The following RANBP3L variants were observed in gnomAD, a reference collection of about 807,000 sequenced individuals.
RANBP3L encodes the protein RAN binding protein 3 like.
In RANBP3L, 56 loss-of-function variants were observed where a neutral mutation model predicts 67.2. That is an observed-to-expected ratio of 0.83 (90% CI 0.67 to 1.04). The LOEUF is 1.04. RANBP3L is among the 50% of genes least tolerant of loss of function. RANBP3L has a pLI of 0.00. For synonymous variants in RANBP3L, 164 were observed against 181.4 expected, an observed-to-expected ratio of 0.90 and a Z score of 0.77; for missense variants, 496 against 535.5, an observed-to-expected ratio of 0.93 and a Z score of 0.73.
At chr5:36,260,948 G>T in intron 7 of RANBP3L, 84 bp from the exon 8 acceptor site, 1 of 642,216 alleles carries the variant, frequency 1.6e-6, no homozygotes, top group Non-Finnish European at 2.7e-6. Flanking sequence ...TAATTTAATA[G>T]ATTTATGTAA....
rs141604579 is a variant in RANBP3L at position 36,270,755 on chromosome 5, C to T, written c.150+498G>A. Reference sequence around the variant, plus strand: ...TCAAACAGTCCTCCCACCGTGGCCTCGAAACATGCGGGGATTACAGGCACA... The same window carrying T: ...TCAAACAGTCCTCCCACCGTGGCCTTGAAACATGCGGGGATTACAGGCACA... On this transcript the variant is annotated intron_variant, in intron 2 of 13. Coordinates refer to ENST00000296604, the MANE Select transcript of RANBP3L (RefSeq NM_145000.5). Among the ~76,000 whole-genome samples, 458 of 152,268 alleles carry T rather than the reference C, an allele frequency of 3.0e-3. 1 individual carries two copies. Among genetic ancestry groups the T allele is most frequent in the East Asian group, 6.7e-3 (35 of 5,186 alleles).
At chr5:36,255,699 C>A (rs1170744425) in intron 10 of RANBP3L, 109 bp from the exon 11 acceptor site, 3 of 613,600 alleles carry the variant, frequency 4.9e-6, no homozygotes, top group Admixed American at 3.4e-5. Flanking sequence ...CCAAAATAAT[C>A]TTTGTTAATG....
At chr5:36,275,209 G>A (rs1023319332) in intron 1 of RANBP3L, among the ~76,000 whole-genome samples, 1 of 152,126 alleles carries the variant, frequency 6.6e-6, no homozygotes. Context: ...GGTACACTGT[G>A]GGTCAAGTGC....
Position 36,264,991 on chromosome 5 carries a change from A to C in RANBP3L, c.448T>G (p.Ser150Ala). Residue 150 changes from serine (S) to alanine (A), a missense_variant, in exon 6 of 14, where the codon TCT becomes GCT. Transcript: ENST00000296604. ...RKTFGHKALE[S>A]CKTKEKTNNK... is the part of the protein sequence containing the mutation. Reference sequence around the variant, plus strand: ...TTTGTTTTTTCTTTAGTCTTGCAAGATTCCAGTGCCTTGTGTCCAAATGTT... The same window carrying C: ...TTTGTTTTTTCTTTAGTCTTGCAAGCTTCCAGTGCCTTGTGTCCAAATGTT... The C allele has an allele frequency of 6.2e-7, 1 of 1,613,676 alleles. No homozygotes were observed. The highest frequency in any genetic ancestry group is 8.5e-7 in the Non-Finnish European group (1 of 1,179,842).
chr5:36,255,335 G>A lies in RANBP3L; in HGVS notation c.1024+135C>T, dbSNP rs1423815935. ...CTACTTGAAATGGGAAGCTCCTATAGAAATATTTTCAACAGTCTGATTTTT... is the reference window on the plus strand; with the variant it reads ...CTACTTGAAATGGGAAGCTCCTATAAAAATATTTTCAACAGTCTGATTTTT... On this transcript the variant is annotated intron_variant, in intron 11 of 13. Transcript: ENST00000296604. 14 of 809,238 alleles carry A rather than the reference G, an allele frequency of 1.7e-5. 1 individual carries two copies. Among genetic ancestry groups the A allele is most frequent in the Non-Finnish European group, 2.4e-5 (13 of 552,134 alleles). The allele number at this position is 809,238 out of a possible 1,614,324, so 50.1% of individuals were successfully genotyped here. A position where few individuals can be genotyped will look rare whatever the true frequency, so the allele number is the denominator to read the frequency against.
chr5:36,275,879 C>CT (rs1184601500), intron 1 of RANBP3L, among the ~76,000 whole-genome samples: 3 of 152,074 alleles, frequency 2.0e-5, no homozygotes, highest in African/African-American at 7.2e-5. Context: ...GATGAGTCTC[C>CT]TGTTTTTCCA....
chr5:36,252,313 A>G (rs1748651092), intron 12 of RANBP3L, among the ~76,000 whole-genome samples: 1 of 152,118 alleles, frequency 6.6e-6, no homozygotes, highest in Non-Finnish European at 1.5e-5. Flanking sequence ...GGTCCATAAT[A>G]GAATAGAATT....
chr5:36,272,722 A>G (rs1398246039), intron 1 of RANBP3L, among the ~76,000 whole-genome samples: 1 of 152,028 alleles, frequency 6.6e-6, no homozygotes, highest in African/African-American at 2.4e-5. Flanking sequence ...TTGGCTCACT[A>G]CAACCTCCAC....
At position 36,301,635 on chromosome 5, in the gene RANBP3L, G is replaced by T. The variant is rs1579814511; in HGVS notation, c.-219C>A. The T allele has an allele frequency of 2.2e-6, 1 of 453,206 alleles. No homozygotes were observed. The highest frequency in any genetic ancestry group is 4.0e-6 in the Non-Finnish European group (1 of 252,362). The allele number at this position is 453,206 out of a possible 1,614,324, so 28.1% of individuals were successfully genotyped here. On this transcript the variant is annotated 5_prime_UTR_variant, in exon 1 of 14. Coordinates refer to ENST00000296604, the MANE Select transcript of RANBP3L (RefSeq NM_145000.5). ...CAATGTTACTTCTCCTAAATATAAA[G>T]ATGCCAATTCATTTGGTTAAAAACA...
intron 1 of RANBP3L, among the ~76,000 whole-genome samples, chr5:36,287,113 A>C (rs901106412): frequency 6.6e-6 from 1 of 152,138 alleles, no homozygotes; most frequent in South Asian, 2.1e-4. Flanking sequence ...TTAGATTCTC[A>C]TAAAGAGCAC....
chr5:36,300,538 A>G (rs1311901532), intron 1 of RANBP3L, among the ~76,000 whole-genome samples: 1 of 152,178 alleles, frequency 6.6e-6, no homozygotes, highest in East Asian at 1.9e-4. Flanking sequence ...TACACATAAA[A>G]AGATCTATCC....
chr5:36,286,930 T>C (rs1210226702), intron 1 of RANBP3L, among the ~76,000 whole-genome samples: 1 of 152,166 alleles, frequency 6.6e-6, no homozygotes, highest in Non-Finnish European at 1.5e-5. Context: ...TATGACACTC[T>C]ATGCTGCCTG....
At chr5:36,253,994 C>T (rs1748785684) in intron 11 of RANBP3L, among the ~76,000 whole-genome samples, 1 of 152,052 alleles carries the variant, frequency 6.6e-6, no homozygotes, top group Non-Finnish European at 1.5e-5. Flanking sequence ...TGAAATTACA[C>T]TTTTTTACTG....
At chr5:36,266,115 G>T (rs766897806) in intron 4 of RANBP3L, among the ~76,000 whole-genome samples, 14 of 151,788 alleles carry the variant, frequency 9.2e-5, no homozygotes, top group Non-Finnish European at 1.6e-4. Context: ...ATAGTGCACT[G>T]TCAGAAATTC....
rs376483705 is a variant in RANBP3L, at chr5:36,261,966, T to C, written c.557A>G (p.Gln186Arg). ...TACTGATGTTGCACCTAAAAAGTCC[T>C]GGTTAGTAGACAGCTGGACTGAAAT... ...ARISVQLSTN[Q>R]DFLGATSVGC... The change falls in exon 7 of 14, where the codon CAG (glutamine) becomes CGG (arginine). Residue 186 changes from glutamine to arginine, a missense_variant. Transcript: ENST00000296604. The C allele has an allele frequency of 8.6e-5, 138 of 1,595,616 alleles. No individual in the cohort carries two copies. Among genetic ancestry groups the C allele is most frequent in the South Asian group, 2.2e-4 (20 of 89,888 alleles).
intron 1 of RANBP3L, among the ~76,000 whole-genome samples, chr5:36,278,192 T>C (rs1393639801): frequency 1.3e-5 from 2 of 152,164 alleles, no homozygotes; most frequent in Non-Finnish European, 2.9e-5. Context: ...TTTCTTTTTC[T>C]TTTCACTCAT....
rs1422774967 is a variant in RANBP3L at position 36,255,741 on chromosome 5, C to T, written c.904-151G>A. 6.4e-5 allele frequency: 32 copies of T among 496,640 alleles called. 1 individual carries two copies. 30.8% of individuals were successfully genotyped at this position (496,640 alleles called of 1,614,324 possible). ...AAACCAGCTTTTAAAATATATTTAA[C>T]ATTTAGAAACATATAACTTTCGGAT... is the stretch of plus-strand genomic sequence containing the variant. On this transcript the variant is annotated intron_variant, in intron 10 of 13. Coordinates refer to ENST00000296604, the MANE Select transcript of RANBP3L (RefSeq NM_145000.5).
chr5:36,269,279 A>G (rs973521839), intron 4 of RANBP3L, 111 bp downstream of exon 4: 1 of 693,576 alleles, frequency 1.4e-6, no homozygotes, highest in Non-Finnish European at 2.6e-6. Flanking sequence ...TATATTATAA[A>G]CACTATTCAG....
At chr5:36,281,633 G>A (rs1367000317) in intron 1 of RANBP3L, among the ~76,000 whole-genome samples, 1 of 152,108 alleles carries the variant, frequency 6.6e-6, no homozygotes, top group Non-Finnish European at 1.5e-5. Context: ...CCTATATTGT[G>A]TGAGTCTTCC....
Sources: allele counts gnomAD v4.1 joint callset (sites outside exome capture counted in the v4.1 genomes callset), GRCh38; gene constraint gnomAD v4.1.1; transcripts MANE v1.5; gene names NCBI Gene and HGNC (gene_info 2026-07-23, HGNC 2026-07-21).